The following ANKS1B variants were observed in gnomAD, a reference collection of about 807,000 sequenced individuals.
ANKS1B encodes ankyrin repeat and sterile alpha motif domain-containing protein 1B.
A neutral mutation model predicts 148.3 loss-of-function variants in ANKS1B; 36 were observed. The ratio of observed to expected loss-of-function variants is 0.24; its 90% confidence interval spans 0.19 to 0.32. The LOEUF (loss-of-function observed/expected upper bound fraction) is 0.32. Ranked by LOEUF, ANKS1B falls within the 10% of genes least tolerant of loss-of-function variation. The pLI, the probability that ANKS1B is intolerant of heterozygous loss-of-function variation, is 1.00. For missense variants in ANKS1B, 1,157 were observed against 1,542.6 expected, an observed-to-expected ratio of 0.75 and a Z score of 4.19; for synonymous variants, 542 against 560.8, an observed-to-expected ratio of 0.97 and a Z score of 0.47.
At chr12:98,752,275 T>A (rs1252965947) in intron 25 of ANKS1B, among the ~76,000 whole-genome samples, 2 of 151,784 alleles carry the variant, frequency 1.3e-5, no homozygotes, top group East Asian at 3.9e-4. Context: ...TTTTTTTTTT[T>A]TAGATGGAGT....
chr12:99,334,149 G>C (rs1309933972), intron 12 of ANKS1B, among the ~76,000 whole-genome samples: 3 of 150,942 alleles, frequency 2.0e-5, no homozygotes, highest in African/African-American at 7.4e-5. Flanking sequence ...TAGATAGATA[G>C]ATAGACAGAC....
intron 19 of ANKS1B, among the ~76,000 whole-genome samples, chr12:98,809,735 C>T (rs2099079551): frequency 6.6e-6 from 1 of 152,128 alleles, no homozygotes; most frequent in African/African-American, 2.4e-5. Context: ...CGTAAGCCCC[C>T]TCACCGACTG....
At chr12:99,096,455 C>G (rs1315368951) in intron 15 of ANKS1B, among the ~76,000 whole-genome samples, 1 of 152,096 alleles carries the variant, frequency 6.6e-6, no homozygotes, top group East Asian at 1.9e-4. Flanking sequence ...TTGCTCACAT[C>G]ACAACAATGG....
intron 11 of ANKS1B, among the ~76,000 whole-genome samples, chr12:99,439,896 T>A (rs935877462): frequency 6.6e-6 from 1 of 151,792 alleles, no homozygotes; most frequent in East Asian, 1.9e-4. Flanking sequence ...CAAGGATCAA[T>A]CAACAGGAGA....
chr12:99,781,616 T>A (rs902675952), intron 5 of ANKS1B, among the ~76,000 whole-genome samples: 1 of 152,174 alleles, frequency 6.6e-6, no homozygotes, highest in Non-Finnish European at 1.5e-5. Flanking sequence ...GGAACTCAAA[T>A]CTCTGTTTAC....
intron 11 of ANKS1B, among the ~76,000 whole-genome samples, chr12:99,408,463 A>G (rs528482862): frequency 6.8e-6 from 1 of 146,258 alleles, no homozygotes; most frequent in African/African-American, 2.6e-5. Context: ...GGAACACTTC[A>G]CAAGCATAGG....
chr12:99,258,566 G>A (rs1391109962), intron 12 of ANKS1B, among the ~76,000 whole-genome samples: 1 of 150,626 alleles, frequency 6.6e-6, no homozygotes, highest in East Asian at 1.9e-4. Flanking sequence ...GCTTTTAAAG[G>A]AGTGCTGGGT....
intron 12 of ANKS1B, among the ~76,000 whole-genome samples, chr12:99,268,493 C>T (rs1317514522): frequency 6.6e-6 from 1 of 152,120 alleles, no homozygotes; most frequent in African/African-American, 2.4e-5. Flanking sequence ...GGCTGTTATG[C>T]CTATGTCACC....
intron 1 of ANKS1B, among the ~76,000 whole-genome samples, chr12:99,952,265 C>T (rs2095239853): frequency 6.6e-6 from 1 of 151,990 alleles, no homozygotes; most frequent in South Asian, 2.1e-4. Context: ...CTGAATTGAT[C>T]CTCTAATTTT....
At chr12:99,349,981 T>C (rs1741325367) in intron 12 of ANKS1B, among the ~76,000 whole-genome samples, 2 of 152,034 alleles carry the variant, frequency 1.3e-5, no homozygotes, top group African/African-American at 4.8e-5. Context: ...ATAAAAAACG[T>C]TTACCTATTG....
At chr12:98,882,877 A>G (rs548737703) in intron 17 of ANKS1B, among the ~76,000 whole-genome samples, 2 of 152,340 alleles carry the variant, frequency 1.3e-5, no homozygotes, top group East Asian at 3.8e-4. Context: ...AGATGCATTT[A>G]TGGCCTTGGT....
At chr12:99,801,438 GT>G (rs1356131622) in intron 4 of ANKS1B, among the ~76,000 whole-genome samples, 1 of 152,192 alleles carries the variant, frequency 6.6e-6, no homozygotes, top group Admixed American at 6.5e-5. Context: ...GATGAATCAA[GT>G]AAGAGGAGAA....
intron 17 of ANKS1B, among the ~76,000 whole-genome samples, chr12:98,897,930 A>T (rs558662655): frequency 6.6e-6 from 1 of 152,340 alleles, no homozygotes; most frequent in South Asian, 2.1e-4. Flanking sequence ...ATGGAGCTTG[A>T]AGCCATTATC....
intron 8 of ANKS1B, among the ~76,000 whole-genome samples, chr12:99,766,483 G>A (rs1279080693): frequency 1.3e-5 from 2 of 152,078 alleles, no homozygotes; most frequent in East Asian, 3.9e-4. Context: ...TTACCCTTCT[G>A]ATTCTGGATT....
chr12:99,237,193 C>T (rs1269061298), intron 14 of ANKS1B, among the ~76,000 whole-genome samples: 1 of 152,092 alleles, frequency 6.6e-6, no homozygotes, highest in African/African-American at 2.4e-5. Flanking sequence ...AATGAATCAC[C>T]AGCCTTTTTT....
At chr12:99,680,228 G>A (rs564696534) in intron 8 of ANKS1B, among the ~76,000 whole-genome samples, 1 of 152,266 alleles carries the variant, frequency 6.6e-6, no homozygotes, top group Admixed American at 6.5e-5. Context: ...ATCACTCGAG[G>A]CCAAAAGTTC....
chr12:99,854,061 T>A (rs532327878), intron 1 of ANKS1B, among the ~76,000 whole-genome samples: 1 of 152,280 alleles, frequency 6.6e-6, no homozygotes, highest in East Asian at 1.9e-4. Flanking sequence ...CCCAGGATGG[T>A]GTGCAGTGGT....
intron 12 of ANKS1B, among the ~76,000 whole-genome samples, chr12:99,374,745 TA>T (rs1224728992): frequency 1.3e-5 from 2 of 152,328 alleles, no homozygotes; most frequent in Admixed American, 6.5e-5. Context: ...TATGGTTATC[TA>T]AAAGATCTTA....
chr12:98,855,899 C>A (rs1000442923), intron 17 of ANKS1B, among the ~76,000 whole-genome samples: 1 of 152,122 alleles, frequency 6.6e-6, no homozygotes, highest in South Asian at 2.1e-4. Flanking sequence ...TCCTTAACTA[C>A]GGAGAGTGTC....
Sources: allele counts gnomAD v4.1 joint callset (sites outside exome capture counted in the v4.1 genomes callset), GRCh38; gene constraint gnomAD v4.1.1; transcripts MANE v1.5; gene names NCBI Gene and HGNC (gene_info 2026-07-23, HGNC 2026-07-21).